PRAG1: variants seen among roughly 807,000 people sequenced by gnomAD.
The protein encoded by PRAG1 is inactive tyrosine-protein kinase PRAG1.
Under a neutral mutation model 95.6 loss-of-function variants are expected in PRAG1, and 110 were observed. That is an observed-to-expected ratio of 1.15 (90% CI 0.99 to 1.35). The LOEUF (loss-of-function observed/expected upper bound fraction) is 1.35. Ranked by LOEUF, PRAG1 falls within the 40% of genes most tolerant of loss-of-function variation. The pLI is 0.00. For synonymous variants in PRAG1, 1,052 were observed against 819.4 expected, an observed-to-expected ratio of 1.28 and a Z score of -4.85; for missense variants, 2,554 against 1,864.7, an observed-to-expected ratio of 1.37 and a Z score of -6.81.
intron 3 of PRAG1, chr8:8,374,711 A>G (rs1800321694): frequency 1.0e-6 from 1 of 985,314 alleles, no homozygotes; most frequent in African/African-American, 1.7e-5. Flanking sequence ...GTCTGCAATC[A>G]CCTCAGGATC....
At chr8:8,378,571 A>G (rs1351762147) in intron 2 of PRAG1, among the ~76,000 whole-genome samples, 1 of 152,154 alleles carries the variant, frequency 6.6e-6, no homozygotes, top group East Asian at 1.9e-4. Flanking sequence ...CACACTGAAC[A>G]CACTGGAGCC....
At chr8:8,350,620 C>G (rs1457808225) in intron 3 of PRAG1, among the ~76,000 whole-genome samples, 1 of 152,202 alleles carries the variant, frequency 6.6e-6, no homozygotes, top group East Asian at 1.9e-4. Flanking sequence ...AGTTGAATAA[C>G]TTCCTAGACG....
intron 4 of PRAG1, among the ~76,000 whole-genome samples, chr8:8,333,375 G>A (rs1252475420): frequency 2.6e-5 from 4 of 152,192 alleles, no homozygotes; most frequent in Non-Finnish European, 5.9e-5. Flanking sequence ...GTGCTTCAGG[G>A]AAGAGAAAGC....
At chr8:8,358,356 C>A (rs775580304) in intron 3 of PRAG1, among the ~76,000 whole-genome samples, 6 of 152,150 alleles carry the variant, frequency 3.9e-5, no homozygotes, top group Admixed American at 3.9e-4. Flanking sequence ...ACTCTGTCCT[C>A]TTAGGTTTTT....
At chr8:8,339,175 A>T (rs1225214552) in intron 4 of PRAG1, among the ~76,000 whole-genome samples, 2 of 152,218 alleles carry the variant, frequency 1.3e-5, no homozygotes, top group African/African-American at 4.8e-5. Context: ...AGAAGTAAAA[A>T]GCAGGCCTGT....
rs1459272866 is a variant in PRAG1, at chr8:8,317,756, A to T, written c.*398T>A. 6.5e-6 allele frequency: 1 copy of T among 153,612 alleles called. No individual in the cohort carries two copies. Among genetic ancestry groups the T allele is most frequent in the Non-Finnish European group, 1.4e-5 (1 of 69,052 alleles). 9.5% of individuals were successfully genotyped at this position (153,612 alleles called of 1,614,324 possible). ...TTTGCTCATGACTCAACCAAAAAAA[A>T]TTTTAATGGAATTTTCTTCTTTTTT... is the stretch of plus-strand genomic sequence containing the variant. On this transcript the variant is annotated 3_prime_UTR_variant, in exon 6 of 6. Transcript: ENST00000615670.
At chr8:8,345,046 G>GGGGTGTGT (rs1346555417) in intron 3 of PRAG1, among the ~76,000 whole-genome samples, 2 of 133,990 alleles carry the variant, frequency 1.5e-5, no homozygotes, top group African/African-American at 2.8e-5. Context: ...TTATCCGCAG[G>GGGGTGTGT]GTGTGTGTGT....
In PRAG1 at chr8:8,355,190, G is replaced by T. The variant is rs1350930664; in HGVS notation, c.2163-15555C>A. The stretch of plus-strand genomic sequence containing the variant: ...AACTTACAATGGCATAAAAAATTAG[G>T]AATAAATTTAAACAATGAGGTGAAA... On this transcript the variant is annotated intron_variant, in intron 3 of 5. Coordinates refer to ENST00000615670, the MANE Select transcript of PRAG1 (RefSeq NM_001080826.3). 2.0e-5 allele frequency among the ~76,000 whole-genome samples: 3 copies of T among 151,910 alleles called. No individual in the cohort carries two copies. In the East Asian group the frequency reaches 5.8e-4, roughly 29 times the overall value.
At chr8:8,369,190 C>CTTT (rs201548316) in intron 3 of PRAG1, among the ~76,000 whole-genome samples, 24 of 141,674 alleles carry the variant, frequency 1.7e-4, no homozygotes, top group African/African-American at 5.6e-4. Context: ...CTCTGGCTTG[C>CTTT]TTTTTTTTTT....
chr8:8,375,725 A>G (rs924350085), intron 3 of PRAG1, among the ~76,000 whole-genome samples: 2 of 151,686 alleles, frequency 1.3e-5, no homozygotes, highest in African/African-American at 4.8e-5. Context: ...GGATCTCCTT[A>G]TGTTACCTAG....
rs772414880 is a variant in PRAG1, at chr8:8,318,959, T to A, written c.3416A>T (p.His1139Leu). The change falls in exon 6 of 6, where the codon CAC (histidine) becomes CTC (leucine). Residue 1139 changes from histidine (H) to leucine (L), a missense_variant. By Grantham distance (99) the His-to-Leu change is moderately conservative (BLOSUM62 -3). Transcript: ENST00000615670. This position sits in a 1 kb window ranked among gnomAD's most constrained non-coding sequence, Gnocchi z 4.2. ...GCACAGGTCCCGGTGGATGATCCCG[T>A]GCTCCTTCAGGTGCTCCAGCCCGTT... ...LCNGLEHLKE[H>L]GIIHRDLCLE... The A allele has an allele frequency of 6.2e-7, 1 of 1,613,032 alleles. No individual in the cohort carries two copies. Among genetic ancestry groups the A allele is most frequent in the Non-Finnish European group, 8.5e-7 (1 of 1,179,662 alleles).
chr8:8,332,448 G>T (rs1322110835), intron 4 of PRAG1, among the ~76,000 whole-genome samples: 1 of 152,126 alleles, frequency 6.6e-6, no homozygotes, highest in South Asian at 2.1e-4. Flanking sequence ...CCAGGTGTGA[G>T]CTACTGTGCC....
intron 1 of PRAG1, 124 bp from the exon 2 acceptor site, chr8:8,381,958 A>T (rs1179345215): frequency 4.0e-6 from 2 of 495,702 alleles, no homozygotes; most frequent in East Asian, 6.6e-5. Flanking sequence ...TTAGGATCCC[A>T]TTTATTTTGG....
rs754616907 is a variant in PRAG1, at chr8:8,378,025, G to A, written c.384C>T (p.Ala128=). 1 of 1,576,384 alleles carries A rather than the reference G, an allele frequency of 6.3e-7. No homozygotes were observed. The highest frequency in any genetic ancestry group is 8.6e-7 in the Non-Finnish European group (1 of 1,159,772). Residue 128 remains alanine (A), a synonymous_variant, in exon 3 of 6, where the codon GCC becomes GCT. Coordinates refer to ENST00000615670, the MANE Select transcript of PRAG1 (RefSeq NM_001080826.3). The part of the protein sequence containing the change: ...GKLPLPKQED[A]PVVYLGSFRG... The stretch of plus-strand genomic sequence containing the variant: ...GGAAGCTGCCCAGGTAGACGACGGG[G>A]GCATCCTCCTGCTTCGGGAGGGGGA...
intron 2 of PRAG1, among the ~76,000 whole-genome samples, chr8:8,380,234 C>T (rs900930711): frequency 1.3e-5 from 2 of 151,978 alleles, no homozygotes; most frequent in African/African-American, 2.4e-5. Flanking sequence ...GAGATCGCAA[C>T]ACTGCACTCC....
At chr8:8,383,717 C>T (rs1309666681) in intron 1 of PRAG1, among the ~76,000 whole-genome samples, 1 of 152,178 alleles carries the variant, frequency 6.6e-6, no homozygotes, top group East Asian at 1.9e-4. Context: ...AGACTGTTAG[C>T]TAGGTTCTTC....
chr8:8,381,047 A>T (rs1800620294), intron 2 of PRAG1, among the ~76,000 whole-genome samples: 2 of 152,090 alleles, frequency 1.3e-5, no homozygotes, highest in African/African-American at 4.8e-5. Context: ...GCTGAAGTTC[A>T]TATTGAAGGG....
At chr8:8,350,255 G>C (rs73184334) in intron 3 of PRAG1, among the ~76,000 whole-genome samples, 13,909 of 152,262 alleles carry the variant, frequency 0.091, 744 homozygotes, top group Middle Eastern at 0.13. Context: ...CAGGTGCGGA[G>C]GTTTCAGCTG....
chr8:8,327,750 G>A lies in PRAG1; in HGVS notation c.3032C>T (p.Ala1011Val), dbSNP rs1798676591. 2 of 1,614,038 alleles carry A rather than the reference G, an allele frequency of 1.2e-6. No homozygotes were observed. Among genetic ancestry groups the A allele is most frequent in the Non-Finnish European group, 1.7e-6 (2 of 1,180,012 alleles). ...GCTGCCGGGGTCCTCAGAGCAGGTGGCACAGTAATAAATGGCATCCCCCGA... is the reference window on the plus strand; with the variant it reads ...GCTGCCGGGGTCCTCAGAGCAGGTGACACAGTAATAAATGGCATCCCCCGA... ...CDSGDAIYYC[A>V]TCSEDPGSTY... Residue 1011 changes from alanine to valine, a missense_variant, in exon 5 of 6, where the codon GCC (alanine) becomes GTC (valine). Transcript: ENST00000615670.
Sources: gnomAD v4.1 joint callset for allele counts (sites outside exome capture counted in the v4.1 genomes callset) on GRCh38, gnomAD v4.1.1 for gene constraint, Gnocchi (gnomAD v3.1) non-coding constraint, MANE v1.5 for transcripts, NCBI Gene and HGNC (gene_info 2026-07-23, HGNC 2026-07-21) for gene names.